The following AXL variants were observed in gnomAD, a reference collection of about 807,000 sequenced individuals.
AXL encodes the protein AXL receptor tyrosine kinase.
AXL carries 52 observed loss-of-function variants against 104.5 expected under a neutral mutation model. The ratio of observed to expected loss-of-function variants is 0.50; its 90% confidence interval spans 0.40 to 0.63. The LOEUF is 0.63. AXL is among the 20% of genes least tolerant of loss of function. The probability of loss-of-function intolerance (pLI) is 0.00; values close to 1 mark genes in which losing one functional copy is unlikely to be tolerated. For missense variants in AXL, 1,024 were observed against 1,188.5 expected (o/e 0.86, Z 2.04); for synonymous variants, 455 against 473.7 (o/e 0.96, Z 0.51).
At chr19:41,225,522 T>C (rs1265185783) in intron 4 of AXL, among the ~76,000 whole-genome samples, 1 of 152,232 alleles carries the variant, frequency 6.6e-6, no homozygotes, top group Non-Finnish European at 1.5e-5. Flanking sequence ...TCTCTGAATA[T>C]ACAGGGACAT....
intron 1 of AXL, 81 bp from the exon 2 acceptor site, chr19:41,220,555 G>C: frequency 7.9e-7 from 1 of 1,260,186 alleles, no homozygotes; most frequent in East Asian, 2.5e-5. Context: ...GGCCGCCGGT[G>C]GGCAGGCAAG....
rs1365789719 is a variant in AXL at position 41,259,781 on chromosome 19, C to T, written c.2562C>T (p.Cys854=). Residue 854 remains cysteine (C), a synonymous_variant, in exon 20 of 20, where the codon TGC becomes TGT. Coordinates refer to ENST00000301178, the MANE Select transcript of AXL (RefSeq NM_021913.5). ...CAGACCCTAAGGATTCCTGTAGCTG[C>T]CTCACTGCGGCTGAGGTCCATCCTG... ...TQPDPKDSCS[C]LTAAEVHPAG... is the part of the protein sequence containing the mutation. 2 of 1,614,092 alleles carry T rather than the reference C, an allele frequency of 1.2e-6. No homozygotes were observed. The highest frequency in any genetic ancestry group is 4.5e-5 in the East Asian group (2 of 44,880).
At chr19:41,220,461 C>T (rs1181117878) in intron 1 of AXL, 175 bp from the exon 2 acceptor site, 9 of 604,024 alleles carry the variant, frequency 1.5e-5, no homozygotes, top group African/African-American at 5.6e-5. Context: ...GGAGGGCTCC[C>T]GTCCTCCTCT....
chr19:41,253,473 G>A, intron 16 of AXL, 126 bp from the exon 17 acceptor site: 1 of 705,294 alleles, frequency 1.4e-6, no homozygotes, highest in Admixed American at 2.2e-5. Flanking sequence ...AGAGGGGTTG[G>A]GTTGAATTGT....
chr19:41,257,612 G>A lies in AXL; in HGVS notation c.2316G>A (p.Ala772=), dbSNP rs148833322. 16 of 1,614,152 alleles carry A rather than the reference G, an allele frequency of 9.9e-6. No individual in the cohort carries two copies. In the African/African-American group the frequency reaches 1.1e-4, roughly 11 times the overall value. Residue 772 remains alanine (A), a synonymous_variant, in exon 19 of 20, where the codon GCG becomes GCA. Transcript: ENST00000301178. ...AGGGAAATCGCCTGAAGCAGCCTGC[G>A]GACTGTCTGGATGGACTGTGAGGAC... ...LRQGNRLKQP[A]DCLDGLYALM... is the part of the protein sequence containing the mutation.
At chr19:41,253,737 C>CG in intron 17 of AXL, 29 bp downstream of exon 17, 3 of 1,252,168 alleles carry the variant, frequency 2.4e-6, no homozygotes, top group South Asian at 1.3e-5. Context: ...CCCCCCCCCC[C>CG]CAACTGCTCC....
chr19:41,239,829 C>T, intron 10 of AXL, 109 bp downstream of exon 10: 4 of 1,456,792 alleles, frequency 2.7e-6, no homozygotes, highest in Non-Finnish European at 3.8e-6. Flanking sequence ...TCTAACTCAT[C>T]ACTCTAACCT....
At chr19:41,248,853 C>T (rs1419404773) in intron 14 of AXL, 33 bp downstream of exon 14, 1 of 1,559,700 alleles carries the variant, frequency 6.4e-7, no homozygotes. Flanking sequence ...GGACCCCCAG[C>T]TCCTTCCCTA....
intron 10 of AXL, 104 bp downstream of exon 10, chr19:41,239,824 C>A: frequency 6.8e-7 from 1 of 1,481,290 alleles, no homozygotes; most frequent in Non-Finnish European, 9.4e-7. Flanking sequence ...GTTTCTCTAA[C>A]TCATCACTCT....
At chr19:41,238,408 G>T in intron 7 of AXL, 62 bp from the exon 8 acceptor site, 4 of 1,581,244 alleles carry the variant, frequency 2.5e-6, no homozygotes, top group Non-Finnish European at 1.7e-6. Context: ...CACTTCCTGG[G>T]AACAGGGGAG....
At chr19:41,225,262 C>T (rs541597930) in intron 4 of AXL, among the ~76,000 whole-genome samples, 1 of 152,350 alleles carries the variant, frequency 6.6e-6, no homozygotes, top group East Asian at 1.9e-4. Flanking sequence ...GCCTCGGCCT[C>T]CCAAAGTACT....
intron 6 of AXL, 111 bp from the exon 7 acceptor site, chr19:41,237,833 C>A (rs1775594110): frequency 1.0e-6 from 1 of 991,050 alleles, no homozygotes; most frequent in Admixed American, 2.1e-5. Flanking sequence ...GCAACACACA[C>A]GCACCCTTGA....
Position 41,238,557 on chromosome 19 carries a change from A to C in AXL, c.1082A>C (p.Gln361Pro), listed in dbSNP as rs141929169. Residue 361 changes from glutamine to proline, a missense_variant, in exon 8 of 20, where the codon CAG (glutamine) becomes CCG (proline). Gln to Pro is a moderately conservative substitution (Grantham distance 76, BLOSUM62 -1). Coordinates refer to ENST00000301178, the MANE Select transcript of AXL (RefSeq NM_021913.5). ...VHWQEPRAPL[Q>P]GTLLGYRLAY... is the part of the protein sequence containing the mutation. ...TGGCAAGAGCCCCGGGCGCCCCTGC[A>C]GGGTACCCTGTTAGGGTACCGGCTG... The C allele has an allele frequency of 2.2e-3, 3,499 of 1,613,878 alleles. 5 individuals carry two copies. Among genetic ancestry groups the C allele is most frequent in the Non-Finnish European group, 2.7e-3 (3,204 of 1,179,866 alleles).
intron 3 of AXL, 84 bp downstream of exon 3, chr19:41,221,330 CA>C: frequency 1.1e-6 from 1 of 940,688 alleles, no homozygotes; most frequent in East Asian, 2.6e-5. Context: ...CCTGAGGGGT[CA>C]AGGTCAAAGG....
chr19:41,237,660 A>C (rs969167283), intron 6 of AXL, among the ~76,000 whole-genome samples: 1 of 152,168 alleles, frequency 6.6e-6, no homozygotes, highest in South Asian at 2.1e-4. Context: ...AAGGCACTTG[A>C]TCCTCTAAGG....
chr19:41,226,564 G>A (rs1474029267), intron 4 of AXL, among the ~76,000 whole-genome samples: 3 of 152,348 alleles, frequency 2.0e-5, no homozygotes, highest in East Asian at 1.9e-4. Context: ...CTCCGCTGAC[G>A]GAGAAAAGGA....
intron 14 of AXL, among the ~76,000 whole-genome samples, chr19:41,251,768 CAATAAAATGGG>C (rs1335668874): frequency 2.0e-5 from 3 of 151,492 alleles, no homozygotes; most frequent in Non-Finnish European, 4.4e-5. Flanking sequence ...AACAAAAAAC[CAATAAAATGGG>C]AATGATAATA....
At chr19:41,233,498 G>A (rs2034028485) in intron 6 of AXL, among the ~76,000 whole-genome samples, 1 of 151,546 alleles carries the variant, frequency 6.6e-6, no homozygotes, top group Non-Finnish European at 1.5e-5. Flanking sequence ...CAGTGTGGTG[G>A]CACACACCTG....
At chr19:41,259,467 G>C (rs1449822649) in intron 19 of AXL, 86 bp from the exon 20 acceptor site, 8 of 1,190,420 alleles carry the variant, frequency 6.7e-6, no homozygotes, top group Non-Finnish European at 9.5e-6. Context: ...CCAGTCCCCT[G>C]AGTGTCCTAA....
Sources: allele counts gnomAD v4.1 joint callset (sites outside exome capture counted in the v4.1 genomes callset), GRCh38; gene constraint gnomAD v4.1.1; transcripts MANE v1.5; gene names NCBI Gene and HGNC (gene_info 2026-07-23, HGNC 2026-07-21).